The following VCF1 variants were observed in gnomAD, a reference collection of about 807,000 sequenced individuals.
VCF1 encodes the protein VCP nuclear cofactor family member 1.
the VCF1 span, among the ~76,000 whole-genome samples, chr17:73,223,646 TA>T: frequency 0.52 from 78,440 of 150,852 alleles, 20,373 homozygotes; most frequent in East Asian, 0.6. Context: ...CTCTTAGAAT[TA>T]AAAAAAAAAT....
the VCF1 span, among the ~76,000 whole-genome samples, chr17:73,220,384 A>C: frequency 6.6e-6 from 1 of 152,190 alleles, no homozygotes; most frequent in Non-Finnish European, 1.5e-5. Context: ...TATTAACATC[A>C]AAAATTTTGC....
At chr17:73,227,302 A>C in the VCF1 span, 1 of 1,498,328 alleles carries the variant, frequency 6.7e-7, no homozygotes, top group Non-Finnish European at 9.0e-7. Flanking sequence ...AAAAAAACCC[A>C]AACAACCGAT....
the VCF1 span, among the ~76,000 whole-genome samples, chr17:73,216,349 T>C: frequency 4.3e-4 from 66 of 152,130 alleles, no homozygotes; most frequent in Non-Finnish European, 7.1e-4. Flanking sequence ...GTTTGCTGAA[T>C]GGAAAGACCA....
chr17:73,214,063 A>G, the VCF1 span, among the ~76,000 whole-genome samples: 407 of 152,340 alleles, frequency 2.7e-3, 3 homozygotes, highest in African/African-American at 9.4e-3. Flanking sequence ...GATACTGCCA[A>G]TATGATTTTG....
the VCF1 span, among the ~76,000 whole-genome samples, chr17:73,212,920 A>C: frequency 6.6e-6 from 1 of 151,674 alleles, no homozygotes; most frequent in South Asian, 2.1e-4. Flanking sequence ...TATTTTTTTT[A>C]GGGTTAGGTA....
the VCF1 span, chr17:73,208,254 G>A: frequency 6.2e-7 from 1 of 1,610,268 alleles, no homozygotes; most frequent in Non-Finnish European, 8.5e-7. Flanking sequence ...CGCGCGGAGG[G>A]CGAGTGGGCA....
the VCF1 span, among the ~76,000 whole-genome samples, chr17:73,224,279 A>AC: frequency 1.3e-5 from 2 of 151,318 alleles, no homozygotes; most frequent in South Asian, 4.2e-4. Flanking sequence ...AAAAAAAAAA[A>AC]AAAAAACCTT....
the VCF1 span, among the ~76,000 whole-genome samples, chr17:73,221,316 A>G: frequency 6.6e-6 from 1 of 151,582 alleles, no homozygotes; most frequent in African/African-American, 2.4e-5. Context: ...TTTACACAGA[A>G]ACTTCTAGTG....
the VCF1 span, among the ~76,000 whole-genome samples, chr17:73,210,757 A>ATTT: frequency 5.9e-5 from 8 of 135,112 alleles, no homozygotes; most frequent in African/African-American, 1.6e-4. Flanking sequence ...ATGCCTCGTT[A>ATTT]TTTTTTTTTT....
the VCF1 span, among the ~76,000 whole-genome samples, chr17:73,210,145 C>T: frequency 1.3e-5 from 2 of 152,146 alleles, no homozygotes; most frequent in African/African-American, 2.4e-5. Context: ...AGTTCTCAGC[C>T]TCCAAGGGAA....
chr17:73,207,777 A>G, the VCF1 span: 2 of 1,285,296 alleles, frequency 1.6e-6, no homozygotes, highest in Non-Finnish European at 1.0e-6. Flanking sequence ...TGTGTTTGAA[A>G]GCTCAAACAG....
At chr17:73,219,846 G>A in the VCF1 span, among the ~76,000 whole-genome samples, 2 of 151,758 alleles carry the variant, frequency 1.3e-5, no homozygotes, top group Admixed American at 6.6e-5. Flanking sequence ...ATGGCAGTGC[G>A]CGCCTGTAGT....
At chr17:73,221,482 G>A in the VCF1 span, among the ~76,000 whole-genome samples, 1 of 151,980 alleles carries the variant, frequency 6.6e-6, no homozygotes, top group Non-Finnish European at 1.5e-5. Flanking sequence ...CCCAAGATCA[G>A]GATTTGATAG....
chr17:73,223,766 G>A, the VCF1 span, among the ~76,000 whole-genome samples: 1 of 152,008 alleles, frequency 6.6e-6, no homozygotes, highest in Non-Finnish European at 1.5e-5. Flanking sequence ...GAGGGTCAGA[G>A]GCCAGGAGTT....
At chr17:73,208,947 TGC>T in the VCF1 span, 1 of 254,414 alleles carries the variant, frequency 3.9e-6, no homozygotes, top group Non-Finnish European at 7.7e-6. Flanking sequence ...TTAGGGAGTG[TGC>T]TTCACTGACA....
At chr17:73,221,333 GTAGA>G in the VCF1 span, among the ~76,000 whole-genome samples, 1 of 151,500 alleles carries the variant, frequency 6.6e-6, no homozygotes, top group East Asian at 1.9e-4. Flanking sequence ...AGTGTAATTT[GTAGA>G]TAAAGATATT....
chr17:73,209,096 TTA>T, the VCF1 span: 4 of 189,984 alleles, frequency 2.1e-5, no homozygotes, highest in Non-Finnish European at 3.3e-5. Context: ...GGAAAAAAAC[TTA>T]TGTTTTTTCA....
the VCF1 span, among the ~76,000 whole-genome samples, chr17:73,219,551 G>A: frequency 6.6e-6 from 1 of 151,838 alleles, no homozygotes; most frequent in Non-Finnish European, 1.5e-5. Context: ...TCGGGAGGCT[G>A]AGGCAGGAGA....
At chr17:73,212,008 G>A in the VCF1 span, among the ~76,000 whole-genome samples, 22 of 152,224 alleles carry the variant, frequency 1.4e-4, no homozygotes, top group South Asian at 2.7e-3. Context: ...TCCAGCCTAC[G>A]CAATCGGAAT....
Sources: allele counts gnomAD v4.1 joint callset (sites outside exome capture counted in the v4.1 genomes callset), GRCh38; gene constraint gnomAD v4.1.1; transcripts MANE v1.5; gene names NCBI Gene and HGNC (gene_info 2026-07-23, HGNC 2026-07-21).